Variants in ARHGAP15 observed in about 807,000 individuals in gnomAD.
The protein encoded by ARHGAP15 is rho GTPase-activating protein 15.
ARHGAP15 carries 51 observed loss-of-function variants against 63.7 expected under a neutral mutation model. The ratio of observed to expected loss-of-function variants is 0.80; its 90% CI spans 0.64 to 1.01. ARHGAP15 has a LOEUF of 1.01. Among genes scored for constraint, ARHGAP15 ranks in the 50% least tolerant of loss-of-function variants. The pLI, the probability that ARHGAP15 is intolerant of heterozygous loss-of-function variation, is 0.00. For missense variants in ARHGAP15, 560 were observed against 564.6 expected (o/e 0.99, Z 0.08); for synonymous variants, 191 against 193.8 (o/e 0.99, Z 0.12).
intron 13 of ARHGAP15, among the ~76,000 whole-genome samples, chr2:143,735,915 C>T (rs1451828878): frequency 6.6e-6 from 1 of 152,146 alleles, no homozygotes; most frequent in East Asian, 1.9e-4. Flanking sequence ...AAAAGGTTGC[C>T]TATCCCTCAT....
At chr2:143,355,891 G>C (rs1354769484) in intron 6 of ARHGAP15, among the ~76,000 whole-genome samples, 4 of 152,104 alleles carry the variant, frequency 2.6e-5, no homozygotes, top group Non-Finnish European at 5.9e-5. Context: ...TTACAAGCAT[G>C]ATGGGTCTCC....
intron 11 of ARHGAP15, among the ~76,000 whole-genome samples, chr2:143,562,906 C>G (rs575695123): frequency 2.0e-4 from 31 of 152,318 alleles, no homozygotes; most frequent in African/African-American, 7.5e-4. Context: ...TGAATCCTGA[C>G]AGTCTCCAAG....
At chr2:143,211,859 T>C (rs1315548207) in intron 3 of ARHGAP15, among the ~76,000 whole-genome samples, 1 of 152,134 alleles carries the variant, frequency 6.6e-6, no homozygotes, top group Non-Finnish European at 1.5e-5. Context: ...GAAGCTGAAC[T>C]AGGATTCAGA....
At chr2:143,440,799 A>G (rs1689840120) in intron 8 of ARHGAP15, among the ~76,000 whole-genome samples, 1 of 152,152 alleles carries the variant, frequency 6.6e-6, no homozygotes, top group African/African-American at 2.4e-5. Context: ...CCAGCCTGGG[A>G]TGAGAGTAGG....
chr2:143,749,049 T>C (rs1230164664), intron 13 of ARHGAP15, among the ~76,000 whole-genome samples: 1 of 152,156 alleles, frequency 6.6e-6, no homozygotes, highest in Non-Finnish European at 1.5e-5. Flanking sequence ...CTCAGGTCAA[T>C]TCACTGTAAA....
At chr2:143,519,499 G>A (rs943824172) in intron 10 of ARHGAP15, 135 bp downstream of exon 10, 2 of 562,198 alleles carry the variant, frequency 3.6e-6, no homozygotes, top group Admixed American at 3.5e-5. Flanking sequence ...CGGTTAAGAG[G>A]ATCATCTTTC....
chr2:143,335,750 C>T (rs771729047), intron 6 of ARHGAP15, among the ~76,000 whole-genome samples: 2 of 152,046 alleles, frequency 1.3e-5, no homozygotes, highest in Non-Finnish European at 2.9e-5. Context: ...ACCGTAGAGT[C>T]CCATAGGTGC....
At chr2:143,575,828 G>A (rs2105132172) in intron 11 of ARHGAP15, among the ~76,000 whole-genome samples, 1 of 152,174 alleles carries the variant, frequency 6.6e-6, no homozygotes, top group Admixed American at 6.5e-5. Flanking sequence ...ATTGTATTCT[G>A]TTTTGTGAAG....
In ARHGAP15 at chr2:143,241,594, T is replaced by C. The variant is rs562158300; in HGVS notation, c.385-8917T>C. Among the ~76,000 whole-genome samples, 57 of 152,294 alleles carry C rather than the reference T, an allele frequency of 3.7e-4. 1 individual carries two copies. Among genetic ancestry groups the C allele is most frequent in the Admixed American group, 3.1e-3 (48 of 15,290 alleles). On this transcript the variant is annotated intron_variant, in intron 5 of 13. Coordinates refer to ENST00000295095, the MANE Select transcript of ARHGAP15 (RefSeq NM_018460.4). ...ACATTCCAGTGGTAAGTATAAATAATTGGCCACATTCTGATGCAAATGGGG... is the reference window on the plus strand; with the variant it reads ...ACATTCCAGTGGTAAGTATAAATAACTGGCCACATTCTGATGCAAATGGGG...
chr2:143,447,573 G>A (rs905138740), intron 8 of ARHGAP15, among the ~76,000 whole-genome samples: 13 of 152,074 alleles, frequency 8.5e-5, no homozygotes, highest in Admixed American at 4.6e-4. Context: ...CTTAAACCAG[G>A]ACCACTCTAT....
intron 6 of ARHGAP15, among the ~76,000 whole-genome samples, chr2:143,256,400 A>G (rs1158507293): frequency 6.6e-6 from 1 of 152,094 alleles, no homozygotes; most frequent in Non-Finnish European, 1.5e-5. Flanking sequence ...AAATCTTTTT[A>G]TTGTGTGACT....
At chr2:143,595,500 T>C (rs547776739) in intron 11 of ARHGAP15, among the ~76,000 whole-genome samples, 1 of 152,260 alleles carries the variant, frequency 6.6e-6, no homozygotes, top group African/African-American at 2.4e-5. Flanking sequence ...ACATTTGTCA[T>C]TATGTATTGT....
chr2:143,531,127 C>CATGCGTGTGTGTGCGT (rs1553497438), intron 10 of ARHGAP15, among the ~76,000 whole-genome samples: 4 of 151,880 alleles, frequency 2.6e-5, no homozygotes, highest in Middle Eastern at 3.4e-3. Context: ...TGTGTGTGCG[C>CATGCGTGTGTGTGCGT]GCATGTGTGT....
intron 8 of ARHGAP15, chr2:143,480,912 A>G (rs1692048904): frequency 6.6e-6 from 1 of 152,148 alleles, no homozygotes; most frequent in African/African-American, 2.4e-5. Context: ...CTTTTTTTCA[A>G]TCAATTTGGG....
At chr2:143,232,537 C>A (rs963917553) in intron 5 of ARHGAP15, among the ~76,000 whole-genome samples, 2 of 151,944 alleles carry the variant, frequency 1.3e-5, no homozygotes, top group Non-Finnish European at 1.5e-5. Context: ...ATACAGAAAC[C>A]ATTTTAAGTA....
intron 13 of ARHGAP15, among the ~76,000 whole-genome samples, chr2:143,746,631 T>C (rs1034884354): frequency 2.6e-5 from 4 of 152,102 alleles, no homozygotes; most frequent in East Asian, 1.9e-4. Flanking sequence ...ACAAATGAAA[T>C]AGGAGGAAAG....
intron 11 of ARHGAP15, among the ~76,000 whole-genome samples, chr2:143,569,986 G>A (rs1696385791): frequency 6.6e-6 from 1 of 152,052 alleles, no homozygotes. Flanking sequence ...CTTAATAATT[G>A]TGTTGTCTTG....
At chr2:143,349,583 T>C (rs1039591522) in intron 6 of ARHGAP15, among the ~76,000 whole-genome samples, 2 of 152,212 alleles carry the variant, frequency 1.3e-5, no homozygotes, top group Non-Finnish European at 2.9e-5. Context: ...TATTTTTTGA[T>C]ATTTGTATTT....
At chr2:143,673,744 G>GTATATATATATATA (rs1682655962) in intron 12 of ARHGAP15, among the ~76,000 whole-genome samples, 3 of 24,684 alleles carry the variant, frequency 1.2e-4, no homozygotes, top group Admixed American at 8.5e-4. Context: ...GTGTGTGTGT[G>GTATATATATATATA]TGTGTGTGTG....
Sources: allele counts gnomAD v4.1 joint callset (sites outside exome capture counted in the v4.1 genomes callset), GRCh38; gene constraint gnomAD v4.1.1; transcripts MANE v1.5; gene names NCBI Gene and HGNC (gene_info 2026-07-23, HGNC 2026-07-21).